The following KLHDC4 variants were observed in gnomAD, a reference collection of about 807,000 sequenced individuals.
The protein encoded by KLHDC4 is kelch domain containing 4.
In KLHDC4, 90 loss-of-function variants were observed where a neutral mutation model predicts 62.4. That is an observed-to-expected ratio of 1.44 (90% CI 1.22 to 1.72). The LOEUF (loss-of-function observed/expected upper bound fraction) is 1.72. Ranked by LOEUF, KLHDC4 falls within the 40% of genes most tolerant of loss-of-function variation. The pLI is 0.00. For missense variants in KLHDC4, 1,025 were observed against 699.7 expected (o/e 1.47, Z -5.25); for synonymous variants, 386 against 284.4 (o/e 1.36, Z -3.59).
At chr16:87,756,250 G>A (rs2044871463) in intron 3 of KLHDC4, 149 bp downstream of exon 3, 3 of 589,876 alleles carry the variant, frequency 5.1e-6, no homozygotes, top group Admixed American at 5.1e-5. Flanking sequence ...GAGCATCCTG[G>A]CGACGTCTCA....
intron 7 of KLHDC4, among the ~76,000 whole-genome samples, chr16:87,723,117 G>A (rs62055579): frequency 0.075 from 11,431 of 152,250 alleles, 586 homozygotes; most frequent in Non-Finnish European, 0.11. Flanking sequence ...GCTCAGGTAC[G>A]GGCCATGTAC....
Position 87,757,933 on chromosome 16 carries a change from G to C in KLHDC4, c.192-1456C>G, listed in dbSNP as rs145424027. On this transcript the variant is annotated intron_variant, in intron 2 of 11. Transcript: ENST00000270583. ...TAAATAAATACATAGGGCCACTTCA[G>C]TTGAAAGTAATGAAAGACACAGTGA... is the stretch of plus-strand genomic sequence containing the variant. Among the ~76,000 whole-genome samples, 187 of 152,232 alleles carry C rather than the reference G, an allele frequency of 1.2e-3. 1 individual carries two copies. Among genetic ancestry groups the C allele is most frequent in the African/African-American group, 4.4e-3 (181 of 41,540 alleles).
chr16:87,733,186 G>A (rs2040697240), intron 5 of KLHDC4, among the ~76,000 whole-genome samples: 2 of 152,168 alleles, frequency 1.3e-5, no homozygotes, highest in Non-Finnish European at 2.9e-5. Context: ...CAGGTGCAAA[G>A]CAAATCCTAA....
rs757614654 is a variant in KLHDC4, at chr16:87,756,476, A to G, written c.193T>C (p.Leu65=). The G allele has an allele frequency of 1.5e-5, 24 of 1,613,052 alleles. No individual in the cohort carries two copies. In the East Asian group the frequency reaches 5.3e-4, roughly 36 times the overall value. Reference sequence around the variant, plus strand: ...GGATGAACCGAGAGGGAGGCATTTAACCTACAAGACACACAAGCGGCAGGT... The same window carrying G: ...GGATGAACCGAGAGGGAGGCATTTAGCCTACAAGACACACAAGCGGCAGGT... The part of the protein sequence containing the change: ...ELPCPPPSPR[L]NASLSVHPEK... The change falls in exon 3 of 12, where the codon TTA becomes CTA. Residue 65 remains leucine (L), a splice_region_variant and synonymous_variant. Transcript: ENST00000270583.
At chr16:87,754,907 G>A (rs557254992) in intron 4 of KLHDC4, among the ~76,000 whole-genome samples, 3 of 152,298 alleles carry the variant, frequency 2.0e-5, no homozygotes, top group South Asian at 2.1e-4. Flanking sequence ...TGGGCCTAGG[G>A]GGAGTGAGCA....
chr16:87,761,514 T>G (rs1194457928), intron 2 of KLHDC4, among the ~76,000 whole-genome samples: 2 of 152,266 alleles, frequency 1.3e-5, no homozygotes, highest in African/African-American at 2.4e-5. Context: ...CAAATCCATT[T>G]AAAATGGCTT....
chr16:87,738,342 C>T (rs958664521), intron 5 of KLHDC4, among the ~76,000 whole-genome samples: 3 of 149,362 alleles, frequency 2.0e-5, no homozygotes, highest in East Asian at 1.9e-4. Flanking sequence ...CGTATGCCTG[C>T]GCACACACGG....
chr16:87,704,315 A>AGGCGC (rs1458615056), downstream of KLHDC4, among the ~76,000 whole-genome samples: 2 of 144,228 alleles, frequency 1.4e-5, no homozygotes, highest in African/African-American at 2.6e-5. Flanking sequence ...ACGGGGAAGG[A>AGGCGC]GGCGCCTGGG....
At chr16:87,751,692 G>C (rs561092673) in intron 4 of KLHDC4, among the ~76,000 whole-genome samples, 1 of 152,214 alleles carries the variant, frequency 6.6e-6, no homozygotes, top group East Asian at 1.9e-4. Context: ...GCTCATGTGG[G>C]AGGATTGCTT....
intron 5 of KLHDC4, among the ~76,000 whole-genome samples, chr16:87,735,102 A>G (rs1231899810): frequency 6.6e-6 from 1 of 150,888 alleles, no homozygotes; most frequent in East Asian, 2.0e-4. Flanking sequence ...ACCTTCATTC[A>G]AAACTAAACC....
At chr16:87,729,037 A>C (rs977116762) in intron 6 of KLHDC4, among the ~76,000 whole-genome samples, 1 of 152,124 alleles carries the variant, frequency 6.6e-6, no homozygotes, top group Non-Finnish European at 1.5e-5. Flanking sequence ...TCAGCCTCCC[A>C]AAGTGCTGAG....
intron 7 of KLHDC4, among the ~76,000 whole-genome samples, chr16:87,723,605 A>C (rs186165003): frequency 6.6e-6 from 1 of 152,394 alleles, no homozygotes; most frequent in East Asian, 1.9e-4. Flanking sequence ...CCACTACTCC[A>C]GAAAATAGGG....
At chr16:87,758,428 C>G (rs1023845876) in intron 2 of KLHDC4, among the ~76,000 whole-genome samples, 1 of 152,134 alleles carries the variant, frequency 6.6e-6, no homozygotes, top group Non-Finnish European at 1.5e-5. Context: ...TTGGACATAC[C>G]AGGTGAAGGA....
intron 9 of KLHDC4, 75 bp from the exon 10 acceptor site, chr16:87,709,742 C>T: frequency 6.9e-7 from 1 of 1,456,070 alleles, no homozygotes; most frequent in Non-Finnish European, 9.1e-7. Flanking sequence ...CCCACAAGGC[C>T]AGGCAAGGGT....
intron 7 of KLHDC4, among the ~76,000 whole-genome samples, chr16:87,721,913 G>T (rs2038434866): frequency 6.6e-6 from 1 of 152,084 alleles, no homozygotes; most frequent in Non-Finnish European, 1.5e-5. Context: ...CATGGAAACA[G>T]ACCACTAGGT....
At chr16:87,711,944 G>T (rs2035954781) in intron 8 of KLHDC4, among the ~76,000 whole-genome samples, 1 of 149,954 alleles carries the variant, frequency 6.7e-6, no homozygotes, top group Admixed American at 6.6e-5. Context: ...GCCTGCACGG[G>T]GACCCTCCGC....
intron 6 of KLHDC4, among the ~76,000 whole-genome samples, chr16:87,729,709 G>A (rs1161613979): frequency 3.3e-5 from 5 of 152,344 alleles, no homozygotes; most frequent in Middle Eastern, 3.4e-3. Flanking sequence ...GGCCTCTTCC[G>A]GCATCGCTGT....
chr16:87,748,839 A>C (rs762657508), intron 4 of KLHDC4, 30 bp from the exon 5 acceptor site: 1 of 1,610,296 alleles, frequency 6.2e-7, no homozygotes, highest in Admixed American at 1.7e-5. Flanking sequence ...AGGTCAGGGC[A>C]CAGCCACACA....
At chr16:87,746,666 T>C (rs1272863812) in intron 5 of KLHDC4, among the ~76,000 whole-genome samples, 2 of 152,130 alleles carry the variant, frequency 1.3e-5, no homozygotes, top group Admixed American at 1.3e-4. Flanking sequence ...CAGAGACAGA[T>C]GCCTCCACAA....
Sources: allele counts gnomAD v4.1 joint callset (sites outside exome capture counted in the v4.1 genomes callset), GRCh38; gene constraint gnomAD v4.1.1; transcripts MANE v1.5; gene names NCBI Gene and HGNC (gene_info 2026-07-23, HGNC 2026-07-21).